ODAD3: variants seen among roughly 807,000 people sequenced by gnomAD.
ODAD3 encodes outer dynein arm-docking complex subunit 3.
Under a neutral mutation model 70.9 loss-of-function variants are expected in ODAD3, and 57 were observed. The observed-to-expected ratio is 0.80, with a 90% CI of 0.65 to 1.00. The LOEUF (loss-of-function observed/expected upper bound fraction) is 1.00. Ranked by LOEUF, ODAD3 falls within the 50% of genes least tolerant of loss-of-function variation. The pLI is 0.00. For synonymous variants in ODAD3, 327 were observed against 315.9 expected (o/e 1.04, Z -0.37); for missense variants, 797 against 763.9 (o/e 1.04, Z -0.51).
intron 7 of ODAD3, among the ~76,000 whole-genome samples, chr19:11,424,651 CTA>C (rs1381925829): frequency 6.7e-5 from 5 of 75,174 alleles, no homozygotes; most frequent in Admixed American, 1.4e-4. Context: ...GTATATATAC[CTA>C]TGTGTATATA....
chr19:11,422,673 C>T lies in ODAD3; in HGVS notation c.1277+28G>A, dbSNP rs546684831. ...ACCCCGGGGGCTCAGCCCGCCCCGC[C>T]GCCCTCCCCAGAGCCCCGGTGCCTC... On this transcript the variant is annotated intron_variant, in intron 9 of 12. Transcript: ENST00000356392. The surrounding 1 kb of genome is among the most constrained non-coding windows in gnomAD (Gnocchi z 4.6). 5.6e-6 allele frequency: 9 copies of T among 1,607,698 alleles called. No homozygotes were observed. In the African/African-American group the frequency reaches 8.0e-5, roughly 14 times the overall value.
At chr19:11,428,900 T>C (rs1969444942) in intron 3 of ODAD3, among the ~76,000 whole-genome samples, 1 of 150,758 alleles carries the variant, frequency 6.6e-6, no homozygotes, top group South Asian at 2.1e-4. Flanking sequence ...TTTATTTATT[T>C]ATTTTGAGAC....
intron 7 of ODAD3, among the ~76,000 whole-genome samples, 154 bp from the exon 8 acceptor site, chr19:11,424,183 C>CG (rs1969208823): frequency 6.6e-6 from 1 of 152,002 alleles, no homozygotes; most frequent in Non-Finnish European, 1.5e-5. Flanking sequence ...TAAAGGCACC[C>CG]GGGCAGGTGT....
At position 11,428,086 on chromosome 19, in the gene ODAD3, C is replaced by T. The variant is rs192042268; in HGVS notation, c.445-1046G>A. Among the ~76,000 whole-genome samples the T allele has an allele frequency of 1.9e-3, 279 of 148,846 alleles. 1 individual carries two copies. Among genetic ancestry groups the T allele is most frequent in the African/African-American group, 6.4e-3 (259 of 40,644 alleles). On this transcript the variant is annotated intron_variant, in intron 3 of 12. Transcript: ENST00000356392. ...CTGCACTCCATACTGGGCGACAGTGCGAGACTCTGTCTCAAAAAAAAAAAA... is the reference window on the plus strand; with the variant it reads ...CTGCACTCCATACTGGGCGACAGTGTGAGACTCTGTCTCAAAAAAAAAAAA...
rs370886248 is a variant in ODAD3 at position 11,426,817 on chromosome 19, C to G, written c.613-33G>C. The stretch of plus-strand genomic sequence containing the variant: ...GCAGCAGGGCTGGGCTGAGGGCCCT[C>G]CGCACTCAATCCCTCCCACACGACC... On this transcript the variant is annotated intron_variant, in intron 4 of 12. Transcript: ENST00000356392. The G allele has an allele frequency of 1.8e-5, 29 of 1,613,444 alleles. No homozygotes were observed. The South Asian group carries it at 2.6e-4, about 15-fold the overall frequency.
chr19:11,426,782 G>C lies in ODAD3; in HGVS notation c.615C>G (p.Thr205=). 7 of 1,613,910 alleles carry C rather than the reference G, an allele frequency of 4.3e-6. No homozygotes were observed. Among genetic ancestry groups the C allele is most frequent in the Non-Finnish European group, 5.1e-6 (6 of 1,179,906 alleles). The part of the protein sequence containing the change: ...AQNRHTEVAK[T]MRNLENRLEK... The stretch of plus-strand genomic sequence containing the variant: ...CCAGGCGGTTCTCCAGGTTCCGCAT[G>C]GTCTGGAGAGCAGCAGGGCTGGGCT... Residue 205 remains threonine, a splice_region_variant and synonymous_variant, in exon 5 of 13, where the codon ACC becomes ACG. Transcript: ENST00000356392.
In ODAD3 at chr19:11,420,916, T is replaced by C; in HGVS notation, c.1707A>G (p.Val569=). Reference sequence around the variant, plus strand: ...GGATCTTGAGTGATGCGCGGGTCACTACCTCGTTGTCCTCCTCCTCACTCT... The same window carrying C: ...GGATCTTGAGTGATGCGCGGGTCACCACCTCGTTGTCCTCCTCCTCACTCT... The part of the protein sequence containing the change: ...DEESEEEDNE[V]VTRASLKIRS... The change falls in exon 13 of 13, where the codon GTA becomes GTG. Residue 569 remains valine (V), a synonymous_variant. Transcript: ENST00000356392. The C allele has an allele frequency of 1.2e-6, 2 of 1,613,770 alleles. No homozygotes were observed. Among genetic ancestry groups the C allele is most frequent in the South Asian group, 1.1e-5 (1 of 91,066 alleles).
Position 11,434,226 on chromosome 19 carries a change from CAA to C in ODAD3, c.244+545_244+546del, listed in dbSNP as rs66819446. 5.8e-4 allele frequency among the ~76,000 whole-genome samples: 47 copies of C among 80,506 alleles called. 2 individuals are homozygous for C. Among genetic ancestry groups the C allele is most frequent in the Admixed American group, 1.3e-3 (10 of 7,428 alleles). The allele number at this position is 80,506 out of a possible 152,430, so 52.8% of individuals were successfully genotyped here. ...AGACCCTGTCTCAAAAAACAAAAAA[CAA>C]AACAAAAAAAAACGCGGGTGCAGTG... is the stretch of plus-strand genomic sequence containing the variant. On this transcript the variant is annotated intron_variant, in intron 1 of 12. Coordinates refer to ENST00000356392, the MANE Select transcript of ODAD3 (RefSeq NM_145045.5).
rs777948570 is a variant in ODAD3 at position 11,434,907 on chromosome 19, C to T, written c.110G>A (p.Ser37Asn). The T allele has an allele frequency of 1.2e-6, 2 of 1,614,150 alleles. No individual in the cohort carries two copies. Among genetic ancestry groups the T allele is most frequent in the South Asian group, 2.2e-5 (2 of 91,092 alleles). Residue 37 changes from serine (S) to asparagine (N), a missense_variant, in exon 1 of 13, where the codon AGC becomes AAC. Transcript: ENST00000356392. The stretch of plus-strand genomic sequence containing the variant: ...GGCTGTGCCCTTGCCTCGGAGGTGG[C>T]TGGGTTTGCCCGAAGCCTCCCTGCC... ...VKGREASGKP[S>N]HLRGKGTAQA...
intron 7 of ODAD3, among the ~76,000 whole-genome samples, chr19:11,425,368 T>C (rs955339979): frequency 7.2e-6 from 1 of 139,684 alleles, no homozygotes; most frequent in Non-Finnish European, 1.5e-5. Context: ...TGTACATATG[T>C]GTATATATGT....
At chr19:11,431,181 G>A (rs761709188) in intron 1 of ODAD3, 161 bp from the exon 2 acceptor site, 33 of 866,776 alleles carry the variant, frequency 3.8e-5, no homozygotes, top group Middle Eastern at 3.6e-4. Flanking sequence ...GTGCAATCTC[G>A]GCTCACCACA....
Position 11,423,966 on chromosome 19 carries a change from C to T in ODAD3, c.1027G>A (p.Glu343Lys). 6.2e-7 allele frequency: 1 copy of T among 1,613,298 alleles called. No homozygotes were observed. The highest frequency in any genetic ancestry group is 8.5e-7 in the Non-Finnish European group (1 of 1,179,980). ...DTIQDSLHAK[E>K]EELRQRWSMY... The stretch of plus-strand genomic sequence containing the variant: ...CTCCAGCGCTGCCGCAGCTCCTCCT[C>T]CTTGGCATGCAGGCTGTCCTGGATG... Residue 343 changes from glutamate (E) to lysine (K), a missense_variant, in exon 8 of 13, where the codon GAG (glutamate) becomes AAG (lysine). Coordinates refer to ENST00000356392, the MANE Select transcript of ODAD3 (RefSeq NM_145045.5).
At position 11,422,355 on chromosome 19, in the gene ODAD3, AG is replaced by A. The variant is rs143981009; in HGVS notation, c.1434+115del. On this transcript the variant is annotated intron_variant, in intron 10 of 12. Transcript: ENST00000356392. The surrounding 1 kb of genome is among the most constrained non-coding windows in gnomAD (Gnocchi z 4.6). ...GCGGGGCCTCTGACGTCCGGGACAGAGGATGTGGCAGGCCACGTTCCCTCGG... is the reference window on the plus strand; with the variant it reads ...GCGGGGCCTCTGACGTCCGGGACAGAGATGTGGCAGGCCACGTTCCCTCGG... The A allele has an allele frequency of 6.1e-3, 7,857 of 1,282,260 alleles. 389 individuals are homozygous for A. In the African/African-American group the frequency reaches 0.1, roughly 17 times the overall value. 79.4% of individuals were successfully genotyped at this position (1,282,260 alleles called of 1,614,324 possible).
chr19:11,431,244 T>G, intron 1 of ODAD3: 1 of 526,630 alleles, frequency 1.9e-6, no homozygotes, highest in South Asian at 2.1e-5. Flanking sequence ...CCCAAGTAGC[T>G]GGGATTACAG....
At chr19:11,431,471 G>A (rs1252985892) in intron 1 of ODAD3, among the ~76,000 whole-genome samples, 1 of 151,228 alleles carries the variant, frequency 6.6e-6, no homozygotes. Flanking sequence ...TGGTAAAACC[G>A]CATCTCTACT....
At position 11,430,936 on chromosome 19, in the gene ODAD3, G is replaced by C. The variant is rs1322167564; in HGVS notation, c.329C>G (p.Thr110Ser). 6.2e-7 allele frequency: 1 copy of C among 1,613,986 alleles called. No homozygotes were observed. The part of the protein sequence containing the change: ...QETISQLRKE[T>S]KALELKLLDL... Reference sequence around the variant, plus strand: ...CAGCAGCTTTAGTTCCAGTGCCTTAGTCTCCTTGCGGAGCTGACTGATGGT... The same window carrying C: ...CAGCAGCTTTAGTTCCAGTGCCTTACTCTCCTTGCGGAGCTGACTGATGGT... The change falls in exon 2 of 13, where the codon ACT becomes AGT. Residue 110 changes from threonine to serine, a missense_variant. Thr to Ser is a moderately conservative substitution (Grantham distance 58, BLOSUM62 1). Coordinates refer to ENST00000356392, the MANE Select transcript of ODAD3 (RefSeq NM_145045.5).
Position 11,427,224 on chromosome 19 carries a change from G to A in ODAD3, c.445-184C>T, listed in dbSNP as rs996624632. 2.6e-5 allele frequency among the ~76,000 whole-genome samples: 4 copies of A among 151,458 alleles called. No homozygotes were observed. The East Asian group carries it at 7.8e-4, about 30-fold the overall frequency. ...GAGAGAGCACCGGAGTCTTCTCTCT[G>A]TCTATATCGACCACCTTGGCGATCT... is the stretch of plus-strand genomic sequence containing the variant. On this transcript the variant is annotated intron_variant, in intron 3 of 12. Coordinates refer to ENST00000356392, the MANE Select transcript of ODAD3 (RefSeq NM_145045.5).
In ODAD3 at chr19:11,420,628, C is replaced by A; in HGVS notation, c.*207G>T. ...GGCATGGTCGGTAACATTTATTGCG[C>A]AACTCTGAGGCCGGGGCGGACCCAG... On this transcript the variant is annotated 3_prime_UTR_variant, in exon 13 of 13. Coordinates refer to ENST00000356392, the MANE Select transcript of ODAD3 (RefSeq NM_145045.5). The A allele has an allele frequency of 5.0e-6, 3 of 595,296 alleles. No individual in the cohort carries two copies. The South Asian group carries it at 6.0e-5, about 12-fold the overall frequency. The allele number at this position is 595,296 out of a possible 1,614,324, so 36.9% of individuals were successfully genotyped here.
chr19:11,428,032 G>A (rs574153080), intron 3 of ODAD3, among the ~76,000 whole-genome samples: 51 of 151,662 alleles, frequency 3.4e-4, no homozygotes, highest in African/African-American at 1.1e-3. Context: ...CCCGGGAGGC[G>A]GAGCTTGCAG....
Sources: gnomAD v4.1 joint callset for allele counts (sites outside exome capture counted in the v4.1 genomes callset) on GRCh38, gnomAD v4.1.1 for gene constraint, Gnocchi (gnomAD v3.1) non-coding constraint, MANE v1.5 for transcripts, NCBI Gene and HGNC (gene_info 2026-07-23, HGNC 2026-07-21) for gene names.